SNTG1: variants seen among roughly 807,000 people sequenced by gnomAD.
SNTG1 encodes the protein gamma-1-syntrophin.
Under a neutral mutation model 74.7 loss-of-function variants are expected in SNTG1, and 39 were observed. The observed-to-expected ratio is 0.52, with a 90% CI of 0.40 to 0.68. The LOEUF is 0.68. Ranked by LOEUF, SNTG1 falls within the 30% of genes least tolerant of loss-of-function variation. The pLI is 0.00. For missense variants in SNTG1, 685 were observed against 609.5 expected (o/e 1.12, Z -1.30); for synonymous variants, 254 against 217.1 (o/e 1.17, Z -1.49).
chr8:50,151,531 T>C (rs1176965535), intron 1 of SNTG1, among the ~76,000 whole-genome samples: 1 of 152,208 alleles, frequency 6.6e-6, no homozygotes, highest in African/African-American at 2.4e-5. Flanking sequence ...TTTCCTGCTT[T>C]CTCCTGTGGG....
intron 3 of SNTG1, among the ~76,000 whole-genome samples, chr8:50,401,023 A>G (rs528160629): frequency 1.3e-5 from 2 of 152,282 alleles, no homozygotes; most frequent in South Asian, 4.1e-4. Context: ...TTTGATAATT[A>G]CACAATATAT....
chr8:50,178,458 C>G (rs990059690), intron 2 of SNTG1, among the ~76,000 whole-genome samples: 2 of 151,716 alleles, frequency 1.3e-5, no homozygotes, highest in Admixed American at 1.3e-4. Flanking sequence ...TGGAGGTTAT[C>G]TAACATGTTA....
At chr8:50,249,936 A>G (rs2086571636) in intron 2 of SNTG1, among the ~76,000 whole-genome samples, 1 of 152,262 alleles carries the variant, frequency 6.6e-6, no homozygotes, top group South Asian at 2.1e-4. Context: ...AACAACCACA[A>G]AATAACAGGG....
At chr8:50,106,465 G>C (rs758920474) in intron 1 of SNTG1, among the ~76,000 whole-genome samples, 1 of 152,100 alleles carries the variant, frequency 6.6e-6, no homozygotes, top group Non-Finnish European at 1.5e-5. Flanking sequence ...GGAATAGTGA[G>C]GGTTGGCCAT....
intron 17 of SNTG1, among the ~76,000 whole-genome samples, chr8:50,745,934 C>G (rs1258240734): frequency 1.3e-5 from 2 of 151,826 alleles, no homozygotes; most frequent in Admixed American, 6.6e-5. Context: ...AAAAAATATT[C>G]TGTAAATGGC....
chr8:50,080,427 C>T (rs1822299559), intron 1 of SNTG1, among the ~76,000 whole-genome samples: 1 of 151,908 alleles, frequency 6.6e-6, no homozygotes, highest in African/African-American at 2.4e-5. Context: ...GATATATGCC[C>T]CATTAATAGA....
intron 18 of SNTG1, among the ~76,000 whole-genome samples, chr8:50,788,116 A>G (rs1471797125): frequency 1.3e-5 from 2 of 152,064 alleles, no homozygotes; most frequent in Admixed American, 1.3e-4. Context: ...AATGGCATTA[A>G]CAAGAAATAA....
chr8:50,634,746 GTTTAGGCT>G (rs1449803704), intron 13 of SNTG1, among the ~76,000 whole-genome samples: 1 of 152,132 alleles, frequency 6.6e-6, no homozygotes, highest in Non-Finnish European at 1.5e-5. Flanking sequence ...TATAGAACAT[GTTTAGGCT>G]CATATATCCA....
At chr8:49,922,623 A>G (rs958393003) in intron 1 of SNTG1, among the ~76,000 whole-genome samples, 1 of 152,134 alleles carries the variant, frequency 6.6e-6, no homozygotes, top group Non-Finnish European at 1.5e-5. Context: ...AAAGCTGTAG[A>G]TAATGCTGTC....
At position 49,976,309 on chromosome 8, in the gene SNTG1, C is replaced by A. The variant is rs529549691; in HGVS notation, c.-103+64078C>A. Among the ~76,000 whole-genome samples, 57 of 152,226 alleles carry A rather than the reference C, an allele frequency of 3.7e-4. 1 individual carries two copies. The South Asian group carries it at 0.012, about 31-fold the overall frequency. Reference sequence around the variant, plus strand: ...TATATGAAATTATATTAGTTAAGTGCCTCAGACACAAACAGAAAGGATTGG... The same window carrying A: ...TATATGAAATTATATTAGTTAAGTGACTCAGACACAAACAGAAAGGATTGG... On this transcript the variant is annotated intron_variant, in intron 1 of 18. Transcript: ENST00000642720.
intron 2 of SNTG1, among the ~76,000 whole-genome samples, chr8:50,389,877 G>T (rs2092630874): frequency 6.6e-6 from 1 of 152,194 alleles, no homozygotes; most frequent in Non-Finnish European, 1.5e-5. Flanking sequence ...CTGCATAAAT[G>T]TCTTCTTTTG....
intron 1 of SNTG1, among the ~76,000 whole-genome samples, chr8:49,999,917 A>G (rs772344504): frequency 5.9e-5 from 9 of 151,940 alleles, no homozygotes; most frequent in Non-Finnish European, 1.3e-4. Context: ...TGTCCCCTCT[A>G]TTTTGTTTCC....
rs997399710 is a variant in SNTG1, at chr8:50,015,301, G to A, written c.-103+103070G>A. ...ACAACAGATTTGAATAGGAGGAAGA[G>A]AGAATCAGGTAACTTGATGATAGGT... is the stretch of plus-strand genomic sequence containing the variant. On this transcript the variant is annotated intron_variant, in intron 1 of 18. Coordinates refer to ENST00000642720, the MANE Select transcript of SNTG1 (RefSeq NM_018967.5). 2.0e-5 allele frequency among the ~76,000 whole-genome samples: 3 copies of A among 151,982 alleles called. No individual in the cohort carries two copies. The South Asian group carries it at 6.2e-4, about 32-fold the overall frequency.
At chr8:49,951,109 C>G (rs116527007) in intron 1 of SNTG1, among the ~76,000 whole-genome samples, 1 of 152,034 alleles carries the variant, frequency 6.6e-6, no homozygotes, top group African/African-American at 2.4e-5. Flanking sequence ...AAAATTGAGA[C>G]TAAGAAAGAT....
intron 8 of SNTG1, among the ~76,000 whole-genome samples, chr8:50,465,359 C>A (rs1326398597): frequency 1.3e-5 from 2 of 152,166 alleles, no homozygotes; most frequent in African/African-American, 4.8e-5. Flanking sequence ...GTCTTACAGA[C>A]CTTAAGTGAA....
intron 2 of SNTG1, among the ~76,000 whole-genome samples, chr8:50,257,683 T>G (rs1478738495): frequency 6.6e-6 from 1 of 152,194 alleles, no homozygotes; most frequent in Non-Finnish European, 1.5e-5. Flanking sequence ...ACATGCTTAG[T>G]GTTTCAATAA....
intron 2 of SNTG1, among the ~76,000 whole-genome samples, chr8:50,205,463 C>G (rs538992734): frequency 6.6e-5 from 10 of 152,052 alleles, no homozygotes; most frequent in South Asian, 2.1e-4. Flanking sequence ...TTGTAGATTC[C>G]AGATATTAGA....
chr8:49,930,549 A>G (rs1807482035), intron 1 of SNTG1, among the ~76,000 whole-genome samples: 1 of 149,552 alleles, frequency 6.7e-6, no homozygotes, highest in Non-Finnish European at 1.5e-5. Context: ...TACATATTAT[A>G]CATATGTGTG....
chr8:50,275,448 T>C (rs559051629), intron 2 of SNTG1, among the ~76,000 whole-genome samples: 1 of 152,350 alleles, frequency 6.6e-6, no homozygotes, highest in Non-Finnish European at 1.5e-5. Context: ...CATATTAGTT[T>C]ATATCTTTAA....
Sources: gnomAD v4.1 joint callset for allele counts (sites outside exome capture counted in the v4.1 genomes callset) on GRCh38, gnomAD v4.1.1 for gene constraint, MANE v1.5 for transcripts, NCBI Gene and HGNC (gene_info 2026-07-23, HGNC 2026-07-21) for gene names.